The following TMEM132D variants were observed in gnomAD, a reference collection of about 807,000 sequenced individuals.
TMEM132D encodes transmembrane protein 132D, also known as mature OL transmembrane protein.
Under a neutral mutation model 62.3 loss-of-function variants are expected in TMEM132D, and 21 were observed. That is an observed-to-expected ratio of 0.34 (90% CI 0.24 to 0.49). The LOEUF (loss-of-function observed/expected upper bound fraction) is 0.49, where lower values mean the gene tolerates loss of function less well. TMEM132D is among the 20% of genes least tolerant of loss of function. The probability of loss-of-function intolerance (pLI) is 0.99; values close to 1 mark genes in which losing one functional copy is unlikely to be tolerated. For missense variants in TMEM132D, 1,346 were observed against 1,402.8 expected, an observed-to-expected ratio of 0.96 and a Z score of 0.65; for synonymous variants, 621 against 575.6, an observed-to-expected ratio of 1.08 and a Z score of -1.13.
rs542826978 is a variant in TMEM132D at position 129,636,698 on chromosome 12, A to ATGTG, written c.968+63108_968+63111dup. Among the ~76,000 whole-genome samples, 293 of 107,932 alleles carry ATGTG rather than the reference A, an allele frequency of 2.7e-3. 4 individuals carry two copies. The highest frequency in any genetic ancestry group is 5.3e-3 in the South Asian group (13 of 2,438). 70.8% of individuals were successfully genotyped at this position (107,932 alleles called of 152,430 possible). On this transcript the variant is annotated intron_variant, in intron 2 of 8. Coordinates refer to ENST00000422113, the MANE Select transcript of TMEM132D (RefSeq NM_133448.3). The stretch of plus-strand genomic sequence containing the variant: ...AATGACCAAGTAAATTCATACAGAA[A>ATGTG]TGTGTGTGTGTGTGTGTGTGTGTGT...
At chr12:129,147,244 G>T (rs1174131933) in intron 5 of TMEM132D, among the ~76,000 whole-genome samples, 5 of 141,468 alleles carry the variant, frequency 3.5e-5, no homozygotes, top group Admixed American at 7.6e-5. Flanking sequence ...ATATACATAT[G>T]TTTATGTATA....
chr12:129,144,720 C>T (rs1876840479), intron 5 of TMEM132D, among the ~76,000 whole-genome samples: 1 of 136,328 alleles, frequency 7.3e-6, no homozygotes, highest in Non-Finnish European at 1.6e-5. Context: ...GACCTACCTA[C>T]TGACCTACGT....
chr12:129,584,789 T>A lies in TMEM132D; in HGVS notation c.969-53584A>T, dbSNP rs1326910824. On this transcript the variant is annotated intron_variant, in intron 2 of 8. Coordinates refer to ENST00000422113, the MANE Select transcript of TMEM132D (RefSeq NM_133448.3). ...ATGTTCTCAGACAGTGTTAAAAAGA[T>A]CTCCAGCCATTCAATCATACATAAT... Among the ~76,000 whole-genome samples the A allele has an allele frequency of 2.6e-5, 4 of 152,010 alleles. No homozygotes were observed. In the East Asian group the frequency reaches 5.8e-4, roughly 22 times the overall value.
At chr12:129,264,451 C>T (rs1003520240) in intron 4 of TMEM132D, among the ~76,000 whole-genome samples, 1 of 152,190 alleles carries the variant, frequency 6.6e-6, no homozygotes, top group Non-Finnish European at 1.5e-5. Context: ...GATCAGGGAA[C>T]ACTTCTACAC....
intron 2 of TMEM132D, among the ~76,000 whole-genome samples, chr12:129,594,547 C>T (rs985641535): frequency 6.6e-6 from 1 of 152,080 alleles, no homozygotes; most frequent in African/African-American, 2.4e-5. Flanking sequence ...AGCCTTTACT[C>T]GAAAAGTGGC....
At position 129,209,757 on chromosome 12, in the gene TMEM132D, A is replaced by G. The variant is rs927405770; in HGVS notation, c.1300-94T>C. ...CCTGCCTTTCCTCAGCCTCCCTGCAAACAGCACTGGCCTCTTCTGCAGGCT... is the reference window on the plus strand; with the variant it reads ...CCTGCCTTTCCTCAGCCTCCCTGCAGACAGCACTGGCCTCTTCTGCAGGCT... On this transcript the variant is annotated intron_variant, in intron 4 of 8. Transcript: ENST00000422113. The G allele has an allele frequency of 5.2e-6, 8 of 1,535,962 alleles. No homozygotes were observed. The Admixed American group carries it at 8.6e-5, about 17-fold the overall frequency.
chr12:129,599,589 T>G (rs1455737953), intron 2 of TMEM132D, among the ~76,000 whole-genome samples: 1 of 152,174 alleles, frequency 6.6e-6, no homozygotes, highest in African/African-American at 2.4e-5. Context: ...TCATGTATTG[T>G]ATAATTCACA....
chr12:129,605,602 T>TATATATATATATATATATATATATATAC (rs1565920066), intron 2 of TMEM132D, among the ~76,000 whole-genome samples: 1 of 59,220 alleles, frequency 1.7e-5, no homozygotes, highest in South Asian at 5.5e-4. Context: ...TATATATATA[T>TATATATATATATATATATATATATATAC]ATACACACAC....
At chr12:129,340,374 T>C (rs1281738313) in intron 3 of TMEM132D, among the ~76,000 whole-genome samples, 5 of 151,836 alleles carry the variant, frequency 3.3e-5, no homozygotes, top group Non-Finnish European at 7.4e-5. Context: ...TTGTTACATA[T>C]GTATACATGT....
chr12:129,766,953 C>T (rs1381384702), intron 1 of TMEM132D, among the ~76,000 whole-genome samples: 2 of 152,156 alleles, frequency 1.3e-5, no homozygotes, highest in Non-Finnish European at 2.9e-5. Flanking sequence ...GATTAGCTTG[C>T]CCTCTAACTA....
chr12:129,481,061 C>T (rs1352824273), intron 3 of TMEM132D, among the ~76,000 whole-genome samples: 1 of 152,032 alleles, frequency 6.6e-6, no homozygotes, highest in Non-Finnish European at 1.5e-5. Context: ...TGGGAAAGCA[C>T]AGGGCCACAT....
At chr12:129,845,071 C>T (rs79476832) in intron 1 of TMEM132D, among the ~76,000 whole-genome samples, 5,675 of 152,156 alleles carry the variant, frequency 0.037, 106 homozygotes, top group Middle Eastern at 0.078. Flanking sequence ...GTTTTCAAAA[C>T]GAGAAGTTTA....
intron 2 of TMEM132D, among the ~76,000 whole-genome samples, chr12:129,535,596 T>A (rs1337395026): frequency 6.6e-6 from 1 of 152,234 alleles, no homozygotes; most frequent in African/African-American, 2.4e-5. Context: ...GAAGTGTTCT[T>A]AATATGCAAC....
intron 1 of TMEM132D, among the ~76,000 whole-genome samples, chr12:129,752,408 CA>C (rs1870029035): frequency 5.3e-5 from 8 of 152,176 alleles, no homozygotes; most frequent in Admixed American, 5.2e-4. Flanking sequence ...CATCTCTATG[CA>C]GGAATTTCTA....
intron 2 of TMEM132D, among the ~76,000 whole-genome samples, chr12:129,699,328 A>G (rs1286971497): frequency 2.0e-5 from 3 of 152,200 alleles, no homozygotes; most frequent in African/African-American, 2.4e-5. Flanking sequence ...GAGAAACAAA[A>G]TGGTAACTTT....
chr12:129,404,444 G>A (rs531087573), intron 3 of TMEM132D, among the ~76,000 whole-genome samples: 7 of 152,280 alleles, frequency 4.6e-5, no homozygotes, highest in East Asian at 3.9e-4. Flanking sequence ...TGATTCACCC[G>A]CCTCAGCCTC....
intron 1 of TMEM132D, among the ~76,000 whole-genome samples, chr12:129,721,874 A>T (rs1048974534): frequency 6.6e-6 from 1 of 152,238 alleles, no homozygotes; most frequent in African/African-American, 2.4e-5. Context: ...CCAGTTGGCC[A>T]TACCTCCTAT....
At chr12:129,739,949 C>T (rs377429770) in intron 1 of TMEM132D, among the ~76,000 whole-genome samples, 1 of 152,140 alleles carries the variant, frequency 6.6e-6, no homozygotes, top group Non-Finnish European at 1.5e-5. Flanking sequence ...AAATAATGAG[C>T]CTTTGTCTTA....
In TMEM132D at chr12:129,700,689, C is replaced by A. The variant is rs748541998; in HGVS notation, c.89G>T (p.Gly30Val). The A allele has an allele frequency of 3.7e-6, 6 of 1,607,250 alleles. No homozygotes were observed. In the East Asian group the frequency reaches 1.1e-4, roughly 30 times the overall value. Residue 30 changes from glycine (G) to valine (V), a missense_variant, in exon 2 of 9, where the codon GGT (glycine) becomes GTT (valine). Physicochemically the swap from Gly to Val is moderately radical, Grantham distance 109. Coordinates refer to ENST00000422113, the MANE Select transcript of TMEM132D (RefSeq NM_133448.3). ...LAALFSKVTE[G>V]RGILESIQRF... ...CTGGATGCTCTCAAGGATCCCTCGACCTTCCGTCACTGTGGGGAGGGAATC... is the reference window on the plus strand; with the variant it reads ...CTGGATGCTCTCAAGGATCCCTCGAACTTCCGTCACTGTGGGGAGGGAATC...
Sources: gnomAD v4.1 joint callset for allele counts (sites outside exome capture counted in the v4.1 genomes callset) on GRCh38, gnomAD v4.1.1 for gene constraint, MANE v1.5 for transcripts, NCBI Gene and HGNC (gene_info 2026-07-23, HGNC 2026-07-21) for gene names.